Variants in NAA40 observed in about 807,000 individuals in gnomAD.
NAA40 encodes the protein N-alpha-acetyltransferase 40.
Under a neutral mutation model 36.6 loss-of-function variants are expected in NAA40, and 26 were observed. That is an observed-to-expected ratio of 0.71 (90% CI 0.52 to 0.98). The LOEUF is 0.98. Ranked by LOEUF, NAA40 falls within the 50% of genes least tolerant of loss-of-function variation. The probability of loss-of-function intolerance (pLI) is 0.00; values close to 1 mark genes in which losing one functional copy is unlikely to be tolerated. For missense variants in NAA40, 237 were observed against 306.5 expected (o/e 0.77, Z 1.69); for synonymous variants, 129 against 108.4 (o/e 1.19, Z -1.18).
At position 63,952,238 on chromosome 11, in the gene NAA40, G is replaced by T; in HGVS notation, c.156G>T (p.Gly52=). The T allele has an allele frequency of 6.2e-7, 1 of 1,609,776 alleles. No homozygotes were observed. The highest frequency in any genetic ancestry group is 1.1e-5 in the South Asian group (1 of 90,352). Residue 52 remains glycine (G), a splice_region_variant and synonymous_variant, in exon 4 of 8, where the codon GGG becomes GGT. Coordinates refer to ENST00000377793, the MANE Select transcript of NAA40 (RefSeq NM_024771.4). The part of the protein sequence containing the change: ...FPVFKKYDRN[G]LNVSIECKRV... ...CGTACACGTCCTGTCCTCTTCTCAG[G>T]TTGAATGTCTCCATTGAATGTAAGC...
intron 1 of NAA40, among the ~76,000 whole-genome samples, chr11:63,942,380 C>T (rs117189477): frequency 1.3e-5 from 2 of 152,278 alleles, no homozygotes; most frequent in Non-Finnish European, 1.5e-5. Flanking sequence ...TCCCCTCCTG[C>T]GACTGTTGGT....
chr11:63,943,698 C>T lies in NAA40; in HGVS notation c.7-2142C>T, dbSNP rs548752242. Among the ~76,000 whole-genome samples the T allele has an allele frequency of 2.3e-4, 35 of 152,146 alleles. No individual in the cohort carries two copies. In the South Asian group the frequency reaches 6.4e-3, roughly 28 times the overall value. On this transcript the variant is annotated intron_variant, in intron 1 of 7. Coordinates refer to ENST00000377793, the MANE Select transcript of NAA40 (RefSeq NM_024771.4). Reference sequence around the variant, plus strand: ...CTAGGCCGGGTGTGGTGGCTCACACCTGTAATCCCAGCACTTTGGGAGGCC... The same window carrying T: ...CTAGGCCGGGTGTGGTGGCTCACACTTGTAATCCCAGCACTTTGGGAGGCC...
At position 63,954,584 on chromosome 11, in the gene NAA40, C is replaced by A. The variant is rs547422219; in HGVS notation, c.*105C>A. On this transcript the variant is annotated 3_prime_UTR_variant, in exon 8 of 8. Transcript: ENST00000377793. ...CCTCAGAGCTGTGGCCTCCCCAGCC[C>A]TGCACGTGCCAGGCTGCGCCCTGAG... The A allele has an allele frequency of 5.8e-5, 77 of 1,334,014 alleles. No individual in the cohort carries two copies. The highest frequency in any genetic ancestry group is 1.0e-6 in the Non-Finnish European group (1 of 1,002,658). The allele number at this position is 1,334,014 out of a possible 1,614,324, so 82.6% of individuals were successfully genotyped here.
intron 1 of NAA40, chr11:63,939,393 C>T: frequency 8.4e-7 from 1 of 1,196,016 alleles, no homozygotes; most frequent in Non-Finnish European, 1.0e-6. Context: ...CACCGTCCCC[C>T]GCGGGGACCC....
At chr11:63,945,252 C>T (rs1420312084) in intron 1 of NAA40, among the ~76,000 whole-genome samples, 2 of 152,176 alleles carry the variant, frequency 1.3e-5, no homozygotes, top group East Asian at 1.9e-4. Flanking sequence ...CCCTGTCACT[C>T]GTTGGCCTTA....
At chr11:63,940,807 TG>T (rs777673524) in intron 1 of NAA40, among the ~76,000 whole-genome samples, 1 of 152,250 alleles carries the variant, frequency 6.6e-6, no homozygotes, top group Non-Finnish European at 1.5e-5. Context: ...CAAATAGTTT[TG>T]GGTATTACGT....
intron 1 of NAA40, among the ~76,000 whole-genome samples, chr11:63,939,874 T>A (rs910673312): frequency 6.6e-6 from 1 of 152,090 alleles, no homozygotes; most frequent in Admixed American, 6.6e-5. Context: ...TGACCACTTG[T>A]TCCGTGCCGG....
chr11:63,950,777 A>G (rs1179678052), intron 3 of NAA40, among the ~76,000 whole-genome samples: 2 of 152,202 alleles, frequency 1.3e-5, no homozygotes, highest in Admixed American at 6.5e-5. Context: ...GTGTTTTCAT[A>G]TTCCGTATTC....
rs1296889023 is a variant in NAA40, at chr11:63,949,910, A to G, written c.156-2328A>G. On this transcript the variant is annotated intron_variant, in intron 3 of 7. Transcript: ENST00000377793. The stretch of plus-strand genomic sequence containing the variant: ...CAGGCACCCGCCACCACGCCCGGCT[A>G]ATTTTTTGTATTTTTAGTAGAGATG... Among the ~76,000 whole-genome samples the G allele has an allele frequency of 2.0e-5, 3 of 151,402 alleles. No homozygotes were observed. In the East Asian group the frequency reaches 5.9e-4, roughly 30 times the overall value.
Position 63,950,411 on chromosome 11 carries a change from G to A in NAA40, c.156-1827G>A, listed in dbSNP as rs185909293. Among the ~76,000 whole-genome samples, 773 of 152,038 alleles carry A rather than the reference G, an allele frequency of 5.1e-3. 10 individuals carry two copies. The highest frequency in any genetic ancestry group is 0.017 in the African/African-American group (718 of 41,448). On this transcript the variant is annotated intron_variant, in intron 3 of 7. Coordinates refer to ENST00000377793, the MANE Select transcript of NAA40 (RefSeq NM_024771.4). ...TGAGATTGTAGGCGTGAGCCACTGC[G>A]CCCGGCCTGGAAAGTCTTTTGACAT...
chr11:63,942,180 G>A (rs983985494), intron 1 of NAA40, among the ~76,000 whole-genome samples: 4 of 152,122 alleles, frequency 2.6e-5, no homozygotes, highest in African/African-American at 9.7e-5. Flanking sequence ...TGGAGGGAGT[G>A]GGAGGAAGAG....
intron 3 of NAA40, among the ~76,000 whole-genome samples, chr11:63,951,969 A>G (rs1187614257): frequency 1.3e-5 from 2 of 152,212 alleles, no homozygotes; most frequent in African/African-American, 4.8e-5. Flanking sequence ...AGAAGTTTAC[A>G]AAGTGCCGAG....
intron 3 of NAA40, among the ~76,000 whole-genome samples, chr11:63,949,177 C>A (rs750348831): frequency 5.9e-5 from 9 of 152,038 alleles, no homozygotes; most frequent in Non-Finnish European, 1.0e-4. Flanking sequence ...CAGCAAGATC[C>A]TGTCTCAAAA....
chr11:63,941,678 G>A (rs915356028), intron 1 of NAA40, among the ~76,000 whole-genome samples: 2 of 151,812 alleles, frequency 1.3e-5, no homozygotes, highest in African/African-American at 4.8e-5. Flanking sequence ...TCAGCCTCCC[G>A]AGTAGCTGGA....
In NAA40 at chr11:63,941,268, A is replaced by T. The variant is rs75851274; in HGVS notation, c.6+2166A>T. ...ATTCCACAACTGTGGGTGCTGGGGAAGTCATCATTCCTTGTAGTTACCCTG... is the reference window on the plus strand; with the variant it reads ...ATTCCACAACTGTGGGTGCTGGGGATGTCATCATTCCTTGTAGTTACCCTG... On this transcript the variant is annotated intron_variant, in intron 1 of 7. Transcript: ENST00000377793. Among the ~76,000 whole-genome samples the T allele has an allele frequency of 1.6e-3, 240 of 152,296 alleles. 1 individual carries two copies. The highest frequency in any genetic ancestry group is 6.8e-3 in the Middle Eastern group (2 of 294).
chr11:63,946,691 C>T lies in NAA40; in HGVS notation c.103-260C>T, dbSNP rs568918338. On this transcript the variant is annotated intron_variant, in intron 2 of 7. Coordinates refer to ENST00000377793, the MANE Select transcript of NAA40 (RefSeq NM_024771.4). The stretch of plus-strand genomic sequence containing the variant: ...CTGTGCTGTGAGCAGGTTGTATGCC[C>T]ACAGGCTAATGAGGTCTCCTCTTGC... 1.2e-3 allele frequency: 1,794 copies of T among 1,481,756 alleles called. 8 individuals are homozygous for T. The highest frequency in any genetic ancestry group is 7.6e-3 in the South Asian group (609 of 80,256). The allele number at this position is 1,481,756 out of a possible 1,614,324, so 91.8% of individuals were successfully genotyped here.
At chr11:63,939,167 G>C in intron 1 of NAA40, 65 bp downstream of exon 1, 3 of 1,531,742 alleles carry the variant, frequency 2.0e-6, no homozygotes, top group Non-Finnish European at 2.6e-6. Flanking sequence ...CGCCCCCTTT[G>C]TTCTTAAACC....
rs1255645739 is a variant in NAA40 at position 63,956,863 on chromosome 11, C to T, written c.*2384C>T. The T allele has an allele frequency of 6.6e-6, 1 of 151,874 alleles. No individual in the cohort carries two copies. The highest frequency in any genetic ancestry group is 1.5e-5 in the Non-Finnish European group (1 of 68,018). 9.4% of individuals were successfully genotyped at this position (151,874 alleles called of 1,614,324 possible). A position where few individuals can be genotyped will look rare whatever the true frequency, so the allele number is the denominator to read the frequency against. On this transcript the variant is annotated 3_prime_UTR_variant, in exon 8 of 8. Coordinates refer to ENST00000377793, the MANE Select transcript of NAA40 (RefSeq NM_024771.4). ...TGGTTGTGGCCTGTAATCCCAGCTA[C>T]TCGGGAGGCTGAGGCAGGAGACTCG...
At chr11:63,952,941 T>C in intron 6 of NAA40, 102 bp downstream of exon 6, 1 of 973,028 alleles carries the variant, frequency 1.0e-6, no homozygotes, top group African/African-American at 1.6e-5. Context: ...AGGAGGCTCA[T>C]AGGCATGTTT....
Sources: allele counts gnomAD v4.1 joint callset (sites outside exome capture counted in the v4.1 genomes callset), GRCh38; gene constraint gnomAD v4.1.1; transcripts MANE v1.5; gene names NCBI Gene and HGNC (gene_info 2026-07-23, HGNC 2026-07-21).